The following TENM4 variants were observed in gnomAD, a reference collection of about 807,000 sequenced individuals.
The protein encoded by TENM4 is teneurin transmembrane protein 4, also known as teneurin-4.
A neutral mutation model predicts 243.3 loss-of-function variants in TENM4; 82 were observed. The observed-to-expected ratio is 0.34, with a 90% CI of 0.28 to 0.40. The LOEUF is 0.40. TENM4 is among the 10% of genes least tolerant of loss of function. TENM4 has a pLI of 1.00. For synonymous variants in TENM4, 1,412 were observed against 1,456.3 expected (o/e 0.97, Z 0.69); for missense variants, 3,138 against 3,673.3 (o/e 0.85, Z 3.77).
At chr11:79,366,033 A>G (rs924187513) in intron 1 of TENM4, among the ~76,000 whole-genome samples, 1 of 152,228 alleles carries the variant, frequency 6.6e-6, no homozygotes, top group Non-Finnish European at 1.5e-5. Context: ...CAAGAGCCAC[A>G]GTAAGCTAGT....
At chr11:78,733,702 C>T (rs960844965) in intron 20 of TENM4, among the ~76,000 whole-genome samples, 6 of 152,158 alleles carry the variant, frequency 3.9e-5, no homozygotes, top group African/African-American at 1.4e-4. Context: ...TCTGACACTG[C>T]CCAGCCCCAC....
chr11:78,826,232 C>T (rs1256342694), intron 12 of TENM4, among the ~76,000 whole-genome samples: 1 of 151,944 alleles, frequency 6.6e-6, no homozygotes, highest in African/African-American at 2.4e-5. Context: ...GGATTACAGG[C>T]ATGTGCCACC....
At chr11:79,148,644 A>T in intron 4 of TENM4, 66 bp downstream of exon 4, 1 of 408,152 alleles carries the variant, frequency 2.5e-6, no homozygotes, top group Non-Finnish European at 3.3e-6. Context: ...AGGTAGAGAA[A>T]AAAAGAACCC....
intron 7 of TENM4, among the ~76,000 whole-genome samples, chr11:78,899,398 T>G (rs552775030): frequency 6.6e-6 from 1 of 151,786 alleles, no homozygotes; most frequent in South Asian, 2.1e-4. Flanking sequence ...TTCAAGACCA[T>G]CCTGATCTCT....
chr11:79,011,221 C>T (rs776534716), intron 6 of TENM4, among the ~76,000 whole-genome samples: 3 of 152,194 alleles, frequency 2.0e-5, no homozygotes, highest in South Asian at 2.1e-4. Flanking sequence ...AGAGGGTGCT[C>T]GCTCAGCTTT....
chr11:78,824,491 ATTTC>A (rs1262930899), intron 12 of TENM4, among the ~76,000 whole-genome samples: 1 of 144,250 alleles, frequency 6.9e-6, no homozygotes, highest in Admixed American at 6.9e-5. Flanking sequence ...TGGGGATTGC[ATTTC>A]TTTCTTTCTT....
chr11:78,764,071 A>G (rs1856489934), intron 18 of TENM4, among the ~76,000 whole-genome samples: 2 of 152,170 alleles, frequency 1.3e-5, no homozygotes, highest in African/African-American at 4.8e-5. Context: ...CCAAGAGTAC[A>G]TGGGGCAGTC....
chr11:79,427,957 C>T (rs995223588), intron 1 of TENM4, among the ~76,000 whole-genome samples: 5 of 152,180 alleles, frequency 3.3e-5, no homozygotes, highest in African/African-American at 7.2e-5. Flanking sequence ...TACTGACAAA[C>T]GGTTGCACAA....
chr11:79,269,273 G>A (rs1322601438), intron 2 of TENM4, among the ~76,000 whole-genome samples: 1 of 152,176 alleles, frequency 6.6e-6, no homozygotes, highest in African/African-American at 2.4e-5. Flanking sequence ...CTGCAATAAA[G>A]CTATAACTAA....
chr11:78,768,538 G>A (rs1444941786), intron 18 of TENM4, among the ~76,000 whole-genome samples: 1 of 152,212 alleles, frequency 6.6e-6, no homozygotes, highest in East Asian at 1.9e-4. Flanking sequence ...TAGGGACTGT[G>A]TCTTATTTAT....
In TENM4 at chr11:78,871,360, C is replaced by CAACATCA; in HGVS notation, c.1085-8229_1085-8228insTGATGTT. On this transcript the variant is annotated intron_variant, in intron 9 of 33. Coordinates refer to ENST00000278550, the MANE Select transcript of TENM4 (RefSeq NM_001098816.3). ...AGATGGGAGCTCTCTTTGTTGGCAT[C>CAACATCA]ATCTTCATTGTGTATCAAGGTTTTC... Among the ~76,000 whole-genome samples the CAACATCA allele has an allele frequency of 2.0e-5, 3 of 152,056 alleles. 1 individual carries two copies. The highest frequency in any genetic ancestry group is 3.4e-3 in the Middle Eastern group (1 of 294).
At chr11:78,989,879 C>A (rs943069984) in intron 6 of TENM4, among the ~76,000 whole-genome samples, 1 of 151,922 alleles carries the variant, frequency 6.6e-6, no homozygotes, top group African/African-American at 2.4e-5. Context: ...CATAACGAAA[C>A]CCCATCTCTA....
At position 79,036,287 on chromosome 11, in the gene TENM4, G is replaced by A. The variant is rs993172585; in HGVS notation, c.493+28451C>T. On this transcript the variant is annotated intron_variant, in intron 6 of 33. Transcript: ENST00000278550. The stretch of plus-strand genomic sequence containing the variant: ...TCTCCTTTGCTTATATAAACTCCAC[G>A]ATGAGTGTTGTTCCTGTGTATCGCA... 3.3e-5 allele frequency among the ~76,000 whole-genome samples: 5 copies of A among 152,330 alleles called. No individual in the cohort carries two copies. In the East Asian group the frequency reaches 5.8e-4, roughly 18 times the overall value.
In TENM4 at chr11:79,293,722, G is replaced by A. The variant is rs960371669; in HGVS notation, c.-265+3766C>T. Among the ~76,000 whole-genome samples the A allele has an allele frequency of 6.6e-5, 10 of 152,178 alleles. No individual in the cohort carries two copies. The South Asian group carries it at 2.1e-3, about 32-fold the overall frequency. On this transcript the variant is annotated intron_variant, in intron 2 of 33. Transcript: ENST00000278550. The stretch of plus-strand genomic sequence containing the variant: ...TGTCTGGGTGGCTTTGAAGGCCCAG[G>A]CAACATGTCCACCTAGGCTGTGAGG...
intron 4 of TENM4, among the ~76,000 whole-genome samples, chr11:79,100,243 GCTC>G (rs1009849047): frequency 6.6e-6 from 1 of 152,108 alleles, no homozygotes; most frequent in Non-Finnish European, 1.5e-5. Context: ...AACTTAAAAA[GCTC>G]ATCACCCTTA....
At chr11:78,663,913 C>T (rs1858088926) in intron 32 of TENM4, among the ~76,000 whole-genome samples, 1 of 152,062 alleles carries the variant, frequency 6.6e-6, no homozygotes, top group African/African-American at 2.4e-5. Context: ...TGTCTGGGGC[C>T]CCCTCTCCCG....
intron 18 of TENM4, among the ~76,000 whole-genome samples, chr11:78,766,526 C>T (rs1217985702): frequency 6.6e-6 from 1 of 152,146 alleles, no homozygotes; most frequent in Non-Finnish European, 1.5e-5. Context: ...CTCTGCTTGT[C>T]TACCTTCTGG....
intron 12 of TENM4, among the ~76,000 whole-genome samples, chr11:78,851,635 A>G (rs1858541784): frequency 6.6e-6 from 1 of 152,192 alleles, no homozygotes; most frequent in Admixed American, 6.5e-5. Context: ...AGGCCACGAG[A>G]CCATGAAGCT....
intron 9 of TENM4, among the ~76,000 whole-genome samples, chr11:78,868,804 C>T (rs942478791): frequency 6.6e-6 from 1 of 152,144 alleles, no homozygotes; most frequent in African/African-American, 2.4e-5. Context: ...TGACTAGACA[C>T]GGTTATAACC....
Sources: gnomAD v4.1 joint callset for allele counts (sites outside exome capture counted in the v4.1 genomes callset) on GRCh38, gnomAD v4.1.1 for gene constraint, MANE v1.5 for transcripts, NCBI Gene and HGNC (gene_info 2026-07-23, HGNC 2026-07-21) for gene names.